Variants in CCDC178 observed in about 807,000 individuals in gnomAD.
The protein encoded by CCDC178 is coiled-coil domain containing 178.
CCDC178 carries 126 observed loss-of-function variants against 117.4 expected under a neutral mutation model. The ratio of observed to expected loss-of-function variants is 1.07; its 90% CI spans 0.93 to 1.24. The LOEUF (loss-of-function observed/expected upper bound fraction) is 1.24. CCDC178 is among the 50% of genes most tolerant of loss of function. The pLI, the probability that CCDC178 is intolerant of heterozygous loss-of-function variation, is 0.00. For missense variants in CCDC178, 1,030 were observed against 986.9 expected, an observed-to-expected ratio of 1.04 and a Z score of -0.59; for synonymous variants, 283 against 313.4, an observed-to-expected ratio of 0.90 and a Z score of 1.02.
chr18:33,282,171 A>G (rs2060033754), intron 12 of CCDC178, among the ~76,000 whole-genome samples: 3 of 152,292 alleles, frequency 2.0e-5, no homozygotes, highest in Non-Finnish European at 2.9e-5. Flanking sequence ...ACTGGCTAGG[A>G]GCAACTTGCT....
At chr18:32,938,312 AG>A in intron 22 of CCDC178, 1 of 470,766 alleles carries the variant, frequency 2.1e-6, no homozygotes. Flanking sequence ...ACTAACTTTA[AG>A]GTAGAGAGTG....
intron 6 of CCDC178, among the ~76,000 whole-genome samples, chr18:33,366,943 C>A (rs905478464): frequency 2.0e-5 from 3 of 152,056 alleles, no homozygotes; most frequent in African/African-American, 2.4e-5. Flanking sequence ...AGTCAGTTGA[C>A]AACTTTACTG....
chr18:33,105,116 A>C (rs2145113996), intron 20 of CCDC178, among the ~76,000 whole-genome samples: 1 of 151,812 alleles, frequency 6.6e-6, no homozygotes, highest in African/African-American at 2.4e-5. Flanking sequence ...ATTTGTAATG[A>C]GGCATTTGTT....
rs929349384 is a variant in CCDC178, at chr18:33,011,789, A to T, written c.2389-37108T>A. Among the ~76,000 whole-genome samples, 475 of 119,230 alleles carry T rather than the reference A, an allele frequency of 4.0e-3. 5 individuals are homozygous for T. The highest frequency in any genetic ancestry group is 0.015 in the African/African-American group (421 of 28,030). 78.2% of individuals were successfully genotyped at this position (119,230 alleles called of 152,430 possible). Reference sequence around the variant, plus strand: ...ATGCAAAAAAAAAAAAAAAAAAAAAAAAAAAAAAAAAAAAAAAAAGGACAC... The same window carrying T: ...ATGCAAAAAAAAAAAAAAAAAAAAATAAAAAAAAAAAAAAAAAAAGGACAC... On this transcript the variant is annotated intron_variant, in intron 21 of 22. Coordinates refer to ENST00000383096, the MANE Select transcript of CCDC178 (RefSeq NM_001105528.4).
At chr18:33,417,207 G>A (rs2063954893) in intron 2 of CCDC178, among the ~76,000 whole-genome samples, 1 of 152,076 alleles carries the variant, frequency 6.6e-6, no homozygotes, top group Non-Finnish European at 1.5e-5. Flanking sequence ...CTCTCAGTGG[G>A]TGAATGGCTA....
At chr18:33,145,324 T>TA (rs1463259845) in intron 20 of CCDC178, among the ~76,000 whole-genome samples, 1 of 152,134 alleles carries the variant, frequency 6.6e-6, no homozygotes, top group Non-Finnish European at 1.5e-5. Context: ...AACTATGTTT[T>TA]AAAAAGAGTT....
chr18:33,394,828 T>C (rs529798187), intron 4 of CCDC178, among the ~76,000 whole-genome samples: 16 of 150,272 alleles, frequency 1.1e-4, no homozygotes, highest in African/African-American at 3.9e-4. Context: ...ATTATAAATG[T>C]ATAATTCAAT....
intron 6 of CCDC178, among the ~76,000 whole-genome samples, chr18:33,363,602 TC>T (rs576353013): frequency 5.9e-5 from 9 of 152,010 alleles, no homozygotes; most frequent in Admixed American, 2.0e-4. Context: ...TCTTCATTCT[TC>T]CCCTTTTTGA....
chr18:32,967,953 GGATA>G (rs1442131475), intron 22 of CCDC178, among the ~76,000 whole-genome samples: 1 of 150,464 alleles, frequency 6.6e-6, no homozygotes, highest in African/African-American at 2.4e-5. Context: ...TATATAATCA[GGATA>G]GATAGCATAT....
chr18:33,027,509 T>C (rs1286467022), intron 21 of CCDC178, among the ~76,000 whole-genome samples: 1 of 151,368 alleles, frequency 6.6e-6, no homozygotes, highest in African/African-American at 2.4e-5. Context: ...ATCTGAAGAA[T>C]AAGAAAATAG....
chr18:33,389,745 C>A (rs943634374), intron 4 of CCDC178, 116 bp from the exon 5 acceptor site: 9 of 414,250 alleles, frequency 2.2e-5, no homozygotes, highest in Non-Finnish European at 3.9e-5. Flanking sequence ...AAAAGAAAAA[C>A]AACTATGATA....
chr18:33,335,747 C>T (rs1350908063), intron 9 of CCDC178, among the ~76,000 whole-genome samples: 5 of 151,852 alleles, frequency 3.3e-5, no homozygotes, highest in African/African-American at 1.2e-4. Flanking sequence ...TATTTTTAAA[C>T]CTTTTCATTT....
rs1450200858 is a variant in CCDC178 at position 33,119,013 on chromosome 18, C to T, written c.2239-26103G>A. Among the ~76,000 whole-genome samples, 5 of 152,258 alleles carry T rather than the reference C, an allele frequency of 3.3e-5. No homozygotes were observed. In the East Asian group the frequency reaches 5.8e-4, roughly 18 times the overall value. ...TAGAAAGCTGAAACTGGATCCCTTC[C>T]TTACACCTTATACAAAAATTAATTA... is the stretch of plus-strand genomic sequence containing the variant. On this transcript the variant is annotated intron_variant, in intron 20 of 22. Transcript: ENST00000383096.
chr18:33,151,778 G>A (rs1481145970), intron 20 of CCDC178, among the ~76,000 whole-genome samples: 2 of 152,126 alleles, frequency 1.3e-5, no homozygotes, highest in East Asian at 3.8e-4. Context: ...CCCAGCTCAT[G>A]TAGTTGTCAT....
chr18:33,227,039 C>T (rs993669042), intron 15 of CCDC178, among the ~76,000 whole-genome samples, 184 bp from the exon 16 acceptor site: 2 of 151,888 alleles, frequency 1.3e-5, no homozygotes, highest in African/African-American at 2.4e-5. Context: ...TTAAGTGGTA[C>T]AGCACCAGGA....
intron 11 of CCDC178, among the ~76,000 whole-genome samples, chr18:33,310,517 A>C (rs1202701127): frequency 6.6e-6 from 1 of 151,982 alleles, no homozygotes; most frequent in African/African-American, 2.4e-5. Context: ...CTGAAACCCC[A>C]TCGCTACAAG....
chr18:33,380,786 T>C (rs1182304466), intron 5 of CCDC178, among the ~76,000 whole-genome samples: 15 of 152,246 alleles, frequency 9.9e-5, no homozygotes, highest in Admixed American at 7.8e-4. Flanking sequence ...TATCTTGCTT[T>C]TTCCAAGTGG....
At chr18:33,027,697 C>T (rs73415470) in intron 21 of CCDC178, among the ~76,000 whole-genome samples, 14,541 of 151,554 alleles carry the variant, frequency 0.096, 1,044 homozygotes, top group African/African-American at 0.19. Flanking sequence ...CACCTAACAA[C>T]ATATCATCAA....
chr18:33,418,674 C>A (rs566173446), intron 2 of CCDC178, among the ~76,000 whole-genome samples: 1 of 151,920 alleles, frequency 6.6e-6, no homozygotes, highest in Non-Finnish European at 1.5e-5. Context: ...GGATAAAAAT[C>A]AGTAGCATGT....
Sources: allele counts gnomAD v4.1 joint callset (sites outside exome capture counted in the v4.1 genomes callset), GRCh38; gene constraint gnomAD v4.1.1; transcripts MANE v1.5; gene names NCBI Gene and HGNC (gene_info 2026-07-23, HGNC 2026-07-21).